CDKN2B-AS1: variants seen among roughly 807,000 people sequenced by gnomAD.
The protein encoded by CDKN2B-AS1 is CDKN2B and CDKN2A antisense cis and trans regulatory RNA 1, also known as CDKN2B antisense RNA 1 (non-protein coding).
chr9:22,045,318 C>T (rs1360589), intron 1 of CDKN2B-AS1, among the ~76,000 whole-genome samples: 109,035 of 151,816 alleles, frequency 0.72, 40,956 homozygotes, highest in African/African-American at 0.93. Context: ...TTTGAATTTG[C>T]TTAGATTTAG....
intron 1 of CDKN2B-AS1, among the ~76,000 whole-genome samples, chr9:22,042,682 T>TCA (rs1822945328): frequency 6.6e-6 from 1 of 152,098 alleles, no homozygotes; most frequent in South Asian, 2.1e-4. Flanking sequence ...TCACAAGTAC[T>TCA]CAGACCCAAC....
Position 21,997,238 on chromosome 9 carries a change from T to A in CDKN2B-AS1, n.29+2077T>A, listed in dbSNP as rs1469520851. On this transcript the variant is annotated intron_variant and non_coding_transcript_variant, in intron 1 of 4. Transcript: ENST00000650946. The surrounding 1 kb of genome is among the most constrained non-coding windows in gnomAD (Gnocchi z 4.8). The stretch of plus-strand genomic sequence containing the variant: ...AATTGTAACAAAATGTAGTTTTATA[T>A]CTAAACACATCTAAACATAGAAAAG... Among the ~76,000 whole-genome samples the A allele has an allele frequency of 6.6e-6, 1 of 152,202 alleles. No homozygotes were observed. The highest frequency in any genetic ancestry group is 2.4e-5 in the African/African-American group (1 of 41,448).
At chr9:22,095,522 T>C (rs958672609) in intron 4 of CDKN2B-AS1, among the ~76,000 whole-genome samples, 1 of 150,640 alleles carries the variant, frequency 6.6e-6, no homozygotes, top group Non-Finnish European at 1.5e-5. Flanking sequence ...GTGGTCAATT[T>C]TGGAATAAGT....
At chr9:22,012,495 A>T in intron 1 of CDKN2B-AS1, 1 of 673,020 alleles carries the variant, frequency 1.5e-6, no homozygotes. Flanking sequence ...CGCAAGAAGA[A>T]GTGTGGCCAC....
At chr9:22,077,356 T>G (rs542825042) in intron 4 of CDKN2B-AS1, among the ~76,000 whole-genome samples, 1 of 152,204 alleles carries the variant, frequency 6.6e-6, no homozygotes, top group Non-Finnish European at 1.5e-5. Flanking sequence ...TATGTTATAG[T>G]ACATGCCATT....
intron 1 of CDKN2B-AS1, among the ~76,000 whole-genome samples, chr9:22,043,865 C>T (rs1250554648): frequency 6.6e-6 from 1 of 151,856 alleles, no homozygotes; most frequent in African/African-American, 2.4e-5. Context: ...AAAATCTTGC[C>T]TTTAGTAGTA....
At chr9:22,087,865 G>A (rs1824917185) in intron 4 of CDKN2B-AS1, among the ~76,000 whole-genome samples, 1 of 152,124 alleles carries the variant, frequency 6.6e-6, no homozygotes. Flanking sequence ...GTCATAAAAA[G>A]AAATGCCATG....
At chr9:22,085,457 C>T (rs1268081556) in intron 4 of CDKN2B-AS1, among the ~76,000 whole-genome samples, 1 of 152,168 alleles carries the variant, frequency 6.6e-6, no homozygotes, top group Non-Finnish European at 1.5e-5. Flanking sequence ...CGGTGGCTCA[C>T]GCCTGTAATT....
At chr9:22,053,397 GA>G (rs1823434556) in intron 3 of CDKN2B-AS1, among the ~76,000 whole-genome samples, 1 of 152,212 alleles carries the variant, frequency 6.6e-6, no homozygotes, top group Non-Finnish European at 1.5e-5. Flanking sequence ...AAGAGGGGAT[GA>G]AGAAAATCAT....
chr9:22,102,773 A>G (rs1220031942), intron 4 of CDKN2B-AS1, among the ~76,000 whole-genome samples: 5 of 152,178 alleles, frequency 3.3e-5, no homozygotes, highest in African/African-American at 1.2e-4. Context: ...TGGTGCAGAG[A>G]GCAGGAAAGA....
At position 21,996,624 on chromosome 9, in the gene CDKN2B-AS1, CTT is replaced by C. The variant is rs35158895; in HGVS notation, n.29+1466_29+1467del. ...ATGTCAGCTCTATGGGAACCAGATC[CTT>C]TTATGGGTCTTCCTCTGCACCTATG... is the stretch of plus-strand genomic sequence containing the variant. On this transcript the variant is annotated intron_variant and non_coding_transcript_variant, in intron 1 of 4. Transcript: ENST00000650946. This position sits in a 1 kb window ranked among gnomAD's most constrained non-coding sequence, Gnocchi z 5.4. Among the ~76,000 whole-genome samples, 40,495 of 150,020 alleles carry C rather than the reference CTT, an allele frequency of 0.27. 7,002 individuals carry two copies. The highest frequency in any genetic ancestry group is 0.39 in the Non-Finnish European group (26,258 of 67,614).
At chr9:22,119,121 A>T (rs1285795362) in intron 4 of CDKN2B-AS1, 1 of 151,924 alleles carries the variant, frequency 6.6e-6, no homozygotes, top group Non-Finnish European at 1.5e-5. Context: ...TCCTCATTCA[A>T]TATGGGTGTA....
At chr9:22,060,122 C>G (rs1823754313) in intron 4 of CDKN2B-AS1, among the ~76,000 whole-genome samples, 1 of 152,190 alleles carries the variant, frequency 6.6e-6, no homozygotes, top group South Asian at 2.1e-4. Flanking sequence ...CCCCATGCTA[C>G]TTATGCAAAT....
intron 4 of CDKN2B-AS1, among the ~76,000 whole-genome samples, chr9:22,068,328 G>A (rs1178444076): frequency 1.3e-5 from 2 of 152,154 alleles, no homozygotes; most frequent in Non-Finnish European, 2.9e-5. Context: ...TCTGATAAGT[G>A]TTAGGGAAGG....
intron 4 of CDKN2B-AS1, among the ~76,000 whole-genome samples, chr9:22,065,181 C>T (rs1034335316): frequency 6.6e-6 from 1 of 152,174 alleles, no homozygotes; most frequent in African/African-American, 2.4e-5. Context: ...TCCGTCAGCA[C>T]TTCTCCCGTC....
intron 1 of CDKN2B-AS1, among the ~76,000 whole-genome samples, chr9:22,011,099 A>C (rs74715204): frequency 5.7e-4 from 87 of 152,324 alleles, no homozygotes; most frequent in Non-Finnish European, 9.4e-4. Context: ...ATTCGCGCTT[A>C]CTAGCACCAC....
chr9:22,045,038 T>TTGTGTG (rs3028395), intron 1 of CDKN2B-AS1, among the ~76,000 whole-genome samples: 4,973 of 141,896 alleles, frequency 0.035, 109 homozygotes, highest in Middle Eastern at 0.081. Flanking sequence ...TATTATTTAT[T>TTGTGTG]TGTGTGTGTG....
Position 21,999,801 on chromosome 9 carries a change from C to T in CDKN2B-AS1, n.29+4640C>T, listed in dbSNP as rs3218007. On this transcript the variant is annotated intron_variant and non_coding_transcript_variant, in intron 1 of 4. Coordinates refer to ENST00000650946, the Ensembl canonical transcript of CDKN2B-AS1. This position sits in a 1 kb window ranked among gnomAD's most constrained non-coding sequence, Gnocchi z 4.7. ...TGTGCATCCATAAACAATAATGAAG[C>T]ACATCTATATGCACTGACAATGGAA... Among the ~76,000 whole-genome samples the T allele has an allele frequency of 0.14, 21,291 of 152,000 alleles. 1,769 individuals are homozygous for T. Among genetic ancestry groups the T allele is most frequent in the African/African-American group, 0.23 (9,736 of 41,434 alleles).
intron 4 of CDKN2B-AS1, among the ~76,000 whole-genome samples, chr9:22,060,060 T>G (rs1449855874): frequency 6.6e-6 from 1 of 152,182 alleles, no homozygotes; most frequent in Non-Finnish European, 1.5e-5. Flanking sequence ...CATGAAGGTC[T>G]CTGACAAGGC....
Sources: allele counts gnomAD v4.1 joint callset (sites outside exome capture counted in the v4.1 genomes callset), GRCh38; gene constraint gnomAD v4.1.1; non-coding constraint Gnocchi (gnomAD v3.1); transcripts MANE v1.5; gene names NCBI Gene and HGNC (gene_info 2026-07-23, HGNC 2026-07-21).